PCDHGB5: variants seen among roughly 807,000 people sequenced by gnomAD.
The protein encoded by PCDHGB5 is protocadherin gamma subfamily B, 5.
A neutral mutation model predicts 62.9 loss-of-function variants in PCDHGB5; 48 were observed. That is an observed-to-expected ratio of 0.76 (90% CI 0.61 to 0.97). The LOEUF (loss-of-function observed/expected upper bound fraction) is 0.97, where lower values mean the gene tolerates loss of function less well. Ranked by LOEUF, PCDHGB5 falls within the 50% of genes least tolerant of loss-of-function variation. The pLI is 0.00. For synonymous variants in PCDHGB5, 474 were observed against 511.2 expected (o/e 0.93, Z 0.98); for missense variants, 1,118 against 1,198.6 (o/e 0.93, Z 0.99).
In PCDHGB5 at chr5:141,400,004, G is replaced by T. The variant is rs750835037; in HGVS notation, c.1877G>T (p.Arg626Leu). ...CGCACAGGAGAGGTGCGCACAGCGC[G>T]TGCCTTGGGCGACAGGGACGCGGCC... is the stretch of plus-strand genomic sequence containing the variant. ...GLRTGEVRTA[R>L]ALGDRDAARQ... The change falls in exon 1 of 4, where the codon CGT becomes CTT. Residue 626 changes from arginine to leucine, a missense_variant. Physicochemically the swap from Arg to Leu is moderately radical, Grantham distance 102. Around this residue, in one of 2 missense-constraint regions of PCDHGB5, gnomAD observed 1,034 missense variants for 1,029.1 expected, o/e 1.00. Transcript: ENST00000617380. 2.5e-6 allele frequency: 4 copies of T among 1,612,420 alleles called. No homozygotes were observed. Among genetic ancestry groups the T allele is most frequent in the East Asian group, 2.2e-5 (1 of 44,874 alleles).
At position 141,398,017 on chromosome 5, in the gene PCDHGB5, A is replaced by AAACTGG. The variant is rs1270977201; in HGVS notation, c.-100_-95dup. 1.8e-5 allele frequency: 25 copies of AAACTGG among 1,422,582 alleles called. No homozygotes were observed. Among genetic ancestry groups the AAACTGG allele is most frequent in the Non-Finnish European group, 2.2e-5 (24 of 1,067,002 alleles). 88.1% of individuals were successfully genotyped at this position (1,422,582 alleles called of 1,614,324 possible). On this transcript the variant is annotated 5_prime_UTR_variant, in exon 1 of 4. Coordinates refer to ENST00000617380, the MANE Select transcript of PCDHGB5 (RefSeq NM_018925.3). ...CTCCTCGGAAAAAGAATCGTTTCCT[A>AAACTGG]AACTGGAACTGGAACTAAAGCCCGT...
intron 2 of PCDHGB5, among the ~76,000 whole-genome samples, chr5:141,495,902 C>T (rs749735668): frequency 2.6e-5 from 4 of 152,120 alleles, no homozygotes; most frequent in Non-Finnish European, 2.9e-5. Context: ...TTGTCTCTGT[C>T]TCTGTATATC....
At chr5:141,500,453 C>G (rs1403599390) in intron 2 of PCDHGB5, among the ~76,000 whole-genome samples, 1 of 152,246 alleles carries the variant, frequency 6.6e-6, no homozygotes, top group African/African-American at 2.4e-5. Flanking sequence ...TCGTGATCCG[C>G]CCGCCTCGGC....
intron 1 of PCDHGB5, among the ~76,000 whole-genome samples, chr5:141,461,288 A>G (rs1049761514): frequency 2.0e-5 from 3 of 152,092 alleles, no homozygotes; most frequent in Admixed American, 1.3e-4. Flanking sequence ...CCCCACATCC[A>G]CACCAACATC....
intron 1 of PCDHGB5, among the ~76,000 whole-genome samples, chr5:141,472,725 C>T (rs1250092748): frequency 6.6e-6 from 1 of 152,022 alleles, no homozygotes; most frequent in Non-Finnish European, 1.5e-5. Flanking sequence ...GTGGCTCACA[C>T]CTGTAATCCC....
Position 141,487,421 on chromosome 5 carries a change from C to T in PCDHGB5, c.2398-7386C>T. ...GGGGCTTCCCCCTTCCAATGGGATC[C>T]TCCGAATCCAGCTAGGGTCAGATGA... On this transcript the variant is annotated intron_variant, in intron 1 of 3. Coordinates refer to ENST00000617380, the MANE Select transcript of PCDHGB5 (RefSeq NM_018925.3). This position sits in a 1 kb window ranked among gnomAD's most constrained non-coding sequence, Gnocchi z 5.0. The T allele has an allele frequency of 6.2e-7, 1 of 1,614,144 alleles. No homozygotes were observed. The highest frequency in any genetic ancestry group is 1.1e-5 in the South Asian group (1 of 91,082).
intron 1 of PCDHGB5, chr5:141,402,990 T>A (rs773089843): frequency 1.6e-5 from 26 of 1,611,934 alleles, no homozygotes; most frequent in Non-Finnish European, 2.0e-5. Context: ...CGCGGAAGAT[T>A]AGTCCTGCTA....
At position 141,477,886 on chromosome 5, in the gene PCDHGB5, G is replaced by A. The variant is rs2099422999; in HGVS notation, c.2398-16921G>A. 2 of 1,614,188 alleles carry A rather than the reference G, an allele frequency of 1.2e-6. No homozygotes were observed. The highest frequency in any genetic ancestry group is 1.7e-6 in the Non-Finnish European group (2 of 1,180,040). ...GAGGTACCTCAGCTGGCCACCTAGT[G>A]TCACGGGTGGTAGGCTGGGACGCGG... On this transcript the variant is annotated intron_variant, in intron 1 of 3. Transcript: ENST00000617380. The surrounding 1 kb of genome is among the most constrained non-coding windows in gnomAD (Gnocchi z 4.9).
In PCDHGB5 at chr5:141,491,424, G is replaced by A. The variant is rs745755214; in HGVS notation, c.2398-3383G>A. The A allele has an allele frequency of 6.2e-7, 1 of 1,614,092 alleles. No individual in the cohort carries two copies. Among genetic ancestry groups the A allele is most frequent in the Non-Finnish European group, 8.5e-7 (1 of 1,180,028 alleles). ...ACGCAGACGGGGACGGGGGTGGAGG[G>A]CAGTGCTGCAGGCGCCAGGACTCAC... On this transcript the variant is annotated intron_variant, in intron 1 of 3. Coordinates refer to ENST00000617380, the MANE Select transcript of PCDHGB5 (RefSeq NM_018925.3). The surrounding 1 kb of genome is among the most constrained non-coding windows in gnomAD (Gnocchi z 6.9).
Position 141,490,310 on chromosome 5 carries a change from A to G in PCDHGB5, c.2398-4497A>G. 2 of 1,614,082 alleles carry G rather than the reference A, an allele frequency of 1.2e-6. No homozygotes were observed. Among genetic ancestry groups the G allele is most frequent in the South Asian group, 2.2e-5 (2 of 91,078 alleles). ...GAGGTGCTATTGGCCTCTTTGGCCA[A>G]CCCTGTCCTAGAGAGCACACCAGTG... On this transcript the variant is annotated intron_variant, in intron 1 of 3. Transcript: ENST00000617380. The surrounding 1 kb of genome is among the most constrained non-coding windows in gnomAD (Gnocchi z 5.4).
chr5:141,428,106 C>T, intron 1 of PCDHGB5: 1 of 1,608,152 alleles, frequency 6.2e-7, no homozygotes. Context: ...CCACGTGCTG[C>T]AGGCCATCGA....
intron 1 of PCDHGB5, chr5:141,418,432 T>C (rs954268296): frequency 1.9e-6 from 3 of 1,613,838 alleles, no homozygotes; most frequent in African/African-American, 1.3e-5. Context: ...GTGGCAAATA[T>C]CCAGAATTAG....
Position 141,431,072 on chromosome 5 carries a change from A to G in PCDHGB5, c.2397+30548A>G. On this transcript the variant is annotated intron_variant, in intron 1 of 3. Transcript: ENST00000617380. The surrounding 1 kb of genome is among the most constrained non-coding windows in gnomAD (Gnocchi z 4.8). ...TATGGGGGCCATCAAGTGTCAATTA[A>G]ATCTAGACATTCTGATGGAGGATAA... is the stretch of plus-strand genomic sequence containing the variant. 1 of 1,614,220 alleles carries G rather than the reference A, an allele frequency of 6.2e-7. No individual in the cohort carries two copies. Among genetic ancestry groups the G allele is most frequent in the Non-Finnish European group, 8.5e-7 (1 of 1,180,012 alleles).
chr5:141,446,469 T>C (rs538381725), intron 1 of PCDHGB5, among the ~76,000 whole-genome samples: 2 of 149,740 alleles, frequency 1.3e-5, no homozygotes, highest in South Asian at 4.2e-4. Flanking sequence ...TGATTAGACA[T>C]ATGGTCATCA....
chr5:141,452,968 A>G (rs1028716079), intron 1 of PCDHGB5, among the ~76,000 whole-genome samples: 3 of 152,210 alleles, frequency 2.0e-5, no homozygotes, highest in Non-Finnish European at 4.4e-5. Flanking sequence ...AACTGAGGGT[A>G]TATTGTCAAA....
At chr5:141,404,783 G>A (rs758824309) in intron 1 of PCDHGB5, 39 of 1,613,798 alleles carry the variant, frequency 2.4e-5, no homozygotes, top group South Asian at 2.2e-4. Context: ...CCTATTCAAG[G>A]CCAGTGAGCC....
intron 1 of PCDHGB5, chr5:141,422,633 G>C: frequency 6.2e-7 from 1 of 1,613,120 alleles, no homozygotes; most frequent in Non-Finnish European, 8.5e-7. Context: ...AACCCCAGGG[G>C]TGCCTCCATC....
chr5:141,498,737 G>A (rs1176793634), intron 2 of PCDHGB5, among the ~76,000 whole-genome samples: 1 of 152,076 alleles, frequency 6.6e-6, no homozygotes, highest in African/African-American at 2.4e-5. Context: ...TTTGAGACCA[G>A]CCTGGCCAAC....
chr5:141,437,262 G>A (rs1490690532), intron 1 of PCDHGB5, among the ~76,000 whole-genome samples: 1 of 152,152 alleles, frequency 6.6e-6, no homozygotes, highest in Non-Finnish European at 1.5e-5. Flanking sequence ...CTTTTTATGT[G>A]TATGACAGAT....
Sources: allele counts gnomAD v4.1 joint callset (sites outside exome capture counted in the v4.1 genomes callset), GRCh38; gene constraint gnomAD v4.1.1; regional missense constraint gnomAD v4.1.1; non-coding constraint Gnocchi (gnomAD v3.1); transcripts MANE v1.5; gene names NCBI Gene and HGNC (gene_info 2026-07-23, HGNC 2026-07-21).